The following FNDC3B variants were observed in gnomAD, a reference collection of about 807,000 sequenced individuals.
The protein encoded by FNDC3B is fibronectin type III domain containing 3B, also known as fibronectin type III domain-containing protein 3B.
In FNDC3B, 12 loss-of-function variants were observed where a neutral mutation model predicts 151.5. The observed-to-expected ratio is 0.08, with a 90% CI of 0.05 to 0.13. The LOEUF (loss-of-function observed/expected upper bound fraction) is 0.13, where lower values mean the gene tolerates loss of function less well. FNDC3B is among the 10% of genes least tolerant of loss of function. The pLI, the probability that FNDC3B is intolerant of heterozygous loss-of-function variation, is 1.00. For synonymous variants in FNDC3B, 528 were observed against 549.0 expected (o/e 0.96, Z 0.54); for missense variants, 1,214 against 1,505.3 (o/e 0.81, Z 3.20).
At chr3:172,307,210 T>C in intron 9 of FNDC3B, 153 bp from the exon 10 acceptor site, 1 of 732,378 alleles carries the variant, frequency 1.4e-6, no homozygotes, top group African/African-American at 1.7e-5. Context: ...TAACCATAGG[T>C]CAGGACAAGA....
chr3:172,075,764 C>A (rs1576839785), intron 1 of FNDC3B, among the ~76,000 whole-genome samples: 1 of 125,570 alleles, frequency 8.0e-6, no homozygotes, highest in Non-Finnish European at 1.8e-5. Context: ...CACACACACA[C>A]ACAAACATTT....
At chr3:172,126,363 A>G (rs1176452772) in intron 2 of FNDC3B, among the ~76,000 whole-genome samples, 1 of 152,168 alleles carries the variant, frequency 6.6e-6, no homozygotes, top group Admixed American at 6.5e-5. Flanking sequence ...AGAATGAGAG[A>G]AGAATTGGAA....
intron 25 of FNDC3B, among the ~76,000 whole-genome samples, chr3:172,381,884 G>T (rs1735459849): frequency 6.6e-6 from 1 of 152,124 alleles, no homozygotes; most frequent in African/African-American, 2.4e-5. Flanking sequence ...TGGGCATTTG[G>T]GTTGGTTCCA....
chr3:172,221,753 T>G (rs566383772), intron 3 of FNDC3B, among the ~76,000 whole-genome samples: 1 of 151,898 alleles, frequency 6.6e-6, no homozygotes, highest in Admixed American at 6.6e-5. Context: ...TGTGTAAGAG[T>G]CTTGAGTCAC....
chr3:172,157,234 A>G (rs1341710837), intron 3 of FNDC3B, among the ~76,000 whole-genome samples: 1 of 152,154 alleles, frequency 6.6e-6, no homozygotes, highest in African/African-American at 2.4e-5. Flanking sequence ...AACTTATCCA[A>G]AGTAGTGGTA....
chr3:172,343,712 C>G (rs964844955), intron 18 of FNDC3B, among the ~76,000 whole-genome samples: 15 of 152,112 alleles, frequency 9.9e-5, no homozygotes, highest in African/African-American at 3.6e-4. Context: ...ATAAATTGTG[C>G]CAATTTGGGG....
intron 2 of FNDC3B, among the ~76,000 whole-genome samples, chr3:172,114,713 C>G (rs960599542): frequency 2.0e-5 from 3 of 152,058 alleles, no homozygotes; most frequent in South Asian, 2.1e-4. Context: ...AAGTGAGACC[C>G]CATCTCTAAA....
At chr3:172,159,114 A>C (rs185642053) in intron 3 of FNDC3B, among the ~76,000 whole-genome samples, 1 of 152,060 alleles carries the variant, frequency 6.6e-6, no homozygotes. Context: ...CCCCCTCTCT[A>C]CTAAAAATAT....
At chr3:172,309,701 C>T (rs1731373150) in intron 10 of FNDC3B, among the ~76,000 whole-genome samples, 1 of 152,072 alleles carries the variant, frequency 6.6e-6, no homozygotes, top group Non-Finnish European at 1.5e-5. Flanking sequence ...TTACTGGGCC[C>T]CTGAGGTTTT....
At chr3:172,342,874 C>A in intron 17 of FNDC3B, 137 bp from the exon 18 acceptor site, 1 of 568,898 alleles carries the variant, frequency 1.8e-6, no homozygotes, top group Non-Finnish European at 3.2e-6. Flanking sequence ...TAAAAGCATA[C>A]CATAATGTGC....
intron 25 of FNDC3B, among the ~76,000 whole-genome samples, chr3:172,391,412 A>T (rs1736001953): frequency 6.6e-6 from 1 of 152,176 alleles, no homozygotes; most frequent in Non-Finnish European, 1.5e-5. Flanking sequence ...GAGATCACAG[A>T]CCTAGTAAGT....
In FNDC3B at chr3:172,260,886, G is replaced by A. The variant is rs1435640532; in HGVS notation, c.790+9345G>A. Among the ~76,000 whole-genome samples, 4 of 152,114 alleles carry A rather than the reference G, an allele frequency of 2.6e-5. 1 individual carries two copies. The South Asian group carries it at 6.2e-4, about 24-fold the overall frequency. ...GGGTCTGACAGGCCTGCTTGATTCT[G>A]TTTGAACCCACTCAGCAAATTAACC... On this transcript the variant is annotated intron_variant, in intron 6 of 25. Transcript: ENST00000415807.
At chr3:172,363,756 A>G (rs1161745450) in intron 23 of FNDC3B, among the ~76,000 whole-genome samples, 1 of 152,236 alleles carries the variant, frequency 6.6e-6, no homozygotes, top group Non-Finnish European at 1.5e-5. Context: ...CCTACTCTGC[A>G]GTCAAGCACT....
At chr3:172,112,307 G>C in intron 1 of FNDC3B, 145 bp from the exon 2 acceptor site, 1 of 622,782 alleles carries the variant, frequency 1.6e-6, no homozygotes, top group Non-Finnish European at 2.9e-6. Context: ...ACCCCTCTTT[G>C]GGGCCTGACA....
At chr3:172,316,531 G>C (rs1731796710) in intron 11 of FNDC3B, 1 of 404,600 alleles carries the variant, frequency 2.5e-6, no homozygotes, top group Admixed American at 3.2e-5. Flanking sequence ...CTTGAGTAAA[G>C]GAGTGAATTT....
chr3:172,120,098 T>C (rs1008634300), intron 2 of FNDC3B, among the ~76,000 whole-genome samples: 1 of 152,180 alleles, frequency 6.6e-6, no homozygotes, highest in African/African-American at 2.4e-5. Context: ...AGGGTGTTGT[T>C]ATATGTGGCA....
chr3:172,389,035 G>A (rs745351737), intron 25 of FNDC3B, among the ~76,000 whole-genome samples: 1 of 152,166 alleles, frequency 6.6e-6, no homozygotes, highest in Non-Finnish European at 1.5e-5. Context: ...TTACCTTCAA[G>A]GGACAGGTAT....
chr3:172,066,341 A>G (rs1340798958), intron 1 of FNDC3B, among the ~76,000 whole-genome samples: 2 of 152,210 alleles, frequency 1.3e-5, no homozygotes, highest in Non-Finnish European at 2.9e-5. Context: ...GATCTTGTGT[A>G]CCTTCATATC....
At chr3:172,336,588 G>A (rs930257378) in intron 15 of FNDC3B, among the ~76,000 whole-genome samples, 2 of 152,040 alleles carry the variant, frequency 1.3e-5, no homozygotes, top group Non-Finnish European at 2.9e-5. Flanking sequence ...TTCTCTTTCC[G>A]TTCCTTTCCA....
Sources: allele counts gnomAD v4.1 joint callset (sites outside exome capture counted in the v4.1 genomes callset), GRCh38; gene constraint gnomAD v4.1.1; transcripts MANE v1.5; gene names NCBI Gene and HGNC (gene_info 2026-07-23, HGNC 2026-07-21).